AFAP1L1: variants seen among roughly 807,000 people sequenced by gnomAD.
The protein encoded by AFAP1L1 is actin filament-associated protein 1-like 1.
Under a neutral mutation model 99.8 loss-of-function variants are expected in AFAP1L1, and 77 were observed. The observed-to-expected ratio is 0.77, with a 90% confidence interval of 0.64 to 0.93. The LOEUF (loss-of-function observed/expected upper bound fraction) is 0.93. AFAP1L1 is among the 40% of genes least tolerant of loss of function. The pLI, the probability that AFAP1L1 is intolerant of heterozygous loss-of-function variation, is 0.00. For synonymous variants in AFAP1L1, 373 were observed against 395.3 expected, an observed-to-expected ratio of 0.94 and a Z score of 0.67; for missense variants, 893 against 996.8, an observed-to-expected ratio of 0.90 and a Z score of 1.40.
intron 11 of AFAP1L1, among the ~76,000 whole-genome samples, chr5:149,316,581 C>G (rs1756805487): frequency 6.6e-6 from 1 of 152,144 alleles, no homozygotes; most frequent in Non-Finnish European, 1.5e-5. Flanking sequence ...CATCCCTGGG[C>G]CTCAGTTTCT....
At chr5:149,312,746 G>A (rs949458823) in intron 9 of AFAP1L1, among the ~76,000 whole-genome samples, 8 of 152,068 alleles carry the variant, frequency 5.3e-5, no homozygotes, top group South Asian at 2.1e-4. Flanking sequence ...CCACGATTGC[G>A]TCACTGCACT....
chr5:149,291,265 A>G (rs559160051), intron 1 of AFAP1L1, among the ~76,000 whole-genome samples: 7 of 152,256 alleles, frequency 4.6e-5, no homozygotes, highest in African/African-American at 1.7e-4. Context: ...AGGGTGCCTC[A>G]CGCCTGTAAT....
rs374001483 is a variant in AFAP1L1 at position 149,309,483 on chromosome 5, G to A, written c.748-473G>A. Among the ~76,000 whole-genome samples the A allele has an allele frequency of 2.7e-4, 41 of 152,092 alleles. 1 individual carries two copies. The highest frequency in any genetic ancestry group is 9.7e-4 in the East Asian group (5 of 5,172). On this transcript the variant is annotated intron_variant, in intron 7 of 18. Transcript: ENST00000296721. ...AATTAGCCTATAATTTTCTCTTTTC[G>A]TAATATCATTGACTGGCTCTGTTAT...
chr5:149,283,224 G>A (rs1014891652), intron 1 of AFAP1L1, among the ~76,000 whole-genome samples: 12 of 152,264 alleles, frequency 7.9e-5, no homozygotes, highest in South Asian at 6.2e-4. Context: ...AGCAGAACAC[G>A]GACATATTTC....
At chr5:149,319,302 G>T (rs1367398129) in intron 12 of AFAP1L1, among the ~76,000 whole-genome samples, 1 of 152,108 alleles carries the variant, frequency 6.6e-6, no homozygotes, top group Non-Finnish European at 1.5e-5. Context: ...GTTGGGGAAG[G>T]CTCTGAGAAT....
chr5:149,291,915 T>C (rs966684334), intron 1 of AFAP1L1, among the ~76,000 whole-genome samples: 23 of 152,334 alleles, frequency 1.5e-4, no homozygotes, highest in Admixed American at 6.5e-4. Context: ...CAGTGGTCTT[T>C]TTCCATTTTT....
chr5:149,283,508 T>A (rs556915921), intron 1 of AFAP1L1, among the ~76,000 whole-genome samples: 6,713 of 152,058 alleles, frequency 0.044, 166 homozygotes, highest in Middle Eastern at 0.065. Flanking sequence ...AAGATTTTTT[T>A]AAAAAAAAAC....
In AFAP1L1 at chr5:149,313,125, TAAAA is replaced by T. The variant is rs765623834; in HGVS notation, c.1020+934_1020+937del. Among the ~76,000 whole-genome samples, 213 of 129,998 alleles carry T rather than the reference TAAAA, an allele frequency of 1.6e-3. 1 individual carries two copies. The highest frequency in any genetic ancestry group is 7.5e-3 in the Middle Eastern group (2 of 266). The allele number at this position is 129,998 out of a possible 152,430, so 85.3% of individuals were successfully genotyped here. A position where few individuals can be genotyped will look rare whatever the true frequency, so the allele number is the denominator to read the frequency against. On this transcript the variant is annotated intron_variant, in intron 9 of 18. Transcript: ENST00000296721. ...TGGGCAAAAAGAGCAAAGCTTCATT[TAAAA>T]AAAAAAAAAAAAGAGAAGGAGCGTG...
chr5:149,273,858 A>G (rs1450428275), intron 1 of AFAP1L1, among the ~76,000 whole-genome samples: 2 of 143,266 alleles, frequency 1.4e-5, no homozygotes, highest in African/African-American at 5.3e-5. Context: ...TCTGATCTCC[A>G]GTACAAAAAT....
chr5:149,327,081 A>T (rs146107654), intron 15 of AFAP1L1, among the ~76,000 whole-genome samples: 27 of 151,440 alleles, frequency 1.8e-4, no homozygotes, highest in Admixed American at 5.9e-4. Flanking sequence ...TGTGACCCAT[A>T]CAGAAGGAAA....
At chr5:149,334,287 A>G (rs1055381920) in intron 17 of AFAP1L1, among the ~76,000 whole-genome samples, 5 of 152,170 alleles carry the variant, frequency 3.3e-5, no homozygotes, top group Non-Finnish European at 7.3e-5. Context: ...GTATAGATGA[A>G]AAACATGACA....
intron 1 of AFAP1L1, among the ~76,000 whole-genome samples, chr5:149,291,392 T>G (rs1693901): frequency 0.87 from 132,107 of 151,540 alleles, 57,861 homozygotes; most frequent in Non-Finnish European, 0.91. Context: ...TTGGGCATGG[T>G]GGCGCACACC....
intron 16 of AFAP1L1, among the ~76,000 whole-genome samples, chr5:149,332,463 G>A (rs1389647908): frequency 6.6e-6 from 1 of 152,168 alleles, no homozygotes; most frequent in Non-Finnish European, 1.5e-5. Context: ...CTATTTCCAG[G>A]AGATGGTGAA....
rs200939762 is a variant in AFAP1L1 at position 149,306,327 on chromosome 5, C to T, written c.458C>T (p.Ser153Leu). 37 of 1,613,422 alleles carry T rather than the reference C, an allele frequency of 2.3e-5. No individual in the cohort carries two copies. In the Middle Eastern group the frequency reaches 5.0e-4, roughly 22 times the overall value. ...SSHNGCSPSH[S>L]IVDGYYEDAD... ...ACAGATGGCTGCAGCCCCTCACACT[C>T]GATTGTGGATGGCTACTATGAGGAC... The change falls in exon 6 of 19, where the codon TCG becomes TTG. Residue 153 changes from serine (S) to leucine (L), a missense_variant. Ser to Leu is a moderately radical substitution (Grantham distance 145). Transcript: ENST00000296721.
chr5:149,283,510 A>T (rs925489709), intron 1 of AFAP1L1, among the ~76,000 whole-genome samples: 25 of 152,138 alleles, frequency 1.6e-4, no homozygotes, highest in South Asian at 1.0e-3. Context: ...GATTTTTTTA[A>T]AAAAAAACTC....
At chr5:149,301,777 C>A (rs1441390251) in intron 4 of AFAP1L1, among the ~76,000 whole-genome samples, 1 of 152,216 alleles carries the variant, frequency 6.6e-6, no homozygotes, top group African/African-American at 2.4e-5. Context: ...TCACAACAAG[C>A]TTTGTCTGTC....
At chr5:149,305,878 CCACA>C (rs56036411) in intron 5 of AFAP1L1, among the ~76,000 whole-genome samples, 64,082 of 142,290 alleles carry the variant, frequency 0.45, 14,575 homozygotes, top group East Asian at 0.68. Flanking sequence ...GACCAACACA[CCACA>C]CACACACACA....
chr5:149,298,261 T>G (rs896151092), intron 1 of AFAP1L1, among the ~76,000 whole-genome samples: 1 of 152,226 alleles, frequency 6.6e-6, no homozygotes, highest in Non-Finnish European at 1.5e-5. Flanking sequence ...CTTGCCTCTG[T>G]GTAACTTCAA....
intron 9 of AFAP1L1, 144 bp downstream of exon 9, chr5:149,312,348 G>C: frequency 1.3e-6 from 1 of 773,764 alleles, no homozygotes. Context: ...CACAACAGTA[G>C]GTGCTTAATA....
Sources: gnomAD v4.1 joint callset for allele counts (sites outside exome capture counted in the v4.1 genomes callset) on GRCh38, gnomAD v4.1.1 for gene constraint, MANE v1.5 for transcripts, NCBI Gene and HGNC (gene_info 2026-07-23, HGNC 2026-07-21) for gene names.